ANK1: variants seen among roughly 807,000 people sequenced by gnomAD.
ANK1 encodes the protein ankyrin-1.
In ANK1, 51 loss-of-function variants were observed where a neutral mutation model predicts 210.4. The ratio of observed to expected loss-of-function variants is 0.24; its 90% CI spans 0.19 to 0.31. ANK1 has a LOEUF of 0.31. Ranked by LOEUF, ANK1 falls within the 10% of genes least tolerant of loss-of-function variation. ANK1 has a pLI of 1.00. For missense variants in ANK1, 2,051 were observed against 2,504.4 expected (o/e 0.82, Z 3.86); for synonymous variants, 967 against 1,025.9 (o/e 0.94, Z 1.10).
At chr8:41,859,906 A>G (rs1812953884) in intron 1 of ANK1, among the ~76,000 whole-genome samples, 1 of 152,240 alleles carries the variant, frequency 6.6e-6, no homozygotes, top group Non-Finnish European at 1.5e-5. Context: ...TGATGTGTCT[A>G]CAGTCCAGAT....
At chr8:41,687,500 C>A (rs757121590) in intron 35 of ANK1, among the ~76,000 whole-genome samples, 1 of 152,230 alleles carries the variant, frequency 6.6e-6, no homozygotes, top group Non-Finnish European at 1.5e-5. Context: ...CTCCACCCTG[C>A]ACTCTCCAAC....
At chr8:41,690,430 A>G (rs551570260) in intron 32 of ANK1, 44 bp downstream of exon 32, 8 of 1,614,028 alleles carry the variant, frequency 5.0e-6, no homozygotes, top group South Asian at 1.1e-5. Flanking sequence ...TGCCTCCCCA[A>G]CTTTCTAGAC....
chr8:41,761,490 C>T (rs1300952623), intron 1 of ANK1, among the ~76,000 whole-genome samples: 1 of 152,202 alleles, frequency 6.6e-6, no homozygotes, highest in Non-Finnish European at 1.5e-5. Flanking sequence ...CAAGGAACCT[C>T]TGGGAGGTGG....
chr8:41,821,727 TG>T (rs1804289269), intron 1 of ANK1, among the ~76,000 whole-genome samples: 1 of 152,188 alleles, frequency 6.6e-6, no homozygotes, highest in Non-Finnish European at 1.5e-5. Flanking sequence ...TTCAGGAATT[TG>T]GCCTTATGAA....
chr8:41,857,085 G>T (rs999935105), intron 1 of ANK1, among the ~76,000 whole-genome samples: 69 of 151,662 alleles, frequency 4.5e-4, no homozygotes, highest in African/African-American at 1.6e-3. Flanking sequence ...CACCATGTTG[G>T]TCAGGCTGGT....
At chr8:41,765,403 C>T (rs535209374) in intron 1 of ANK1, among the ~76,000 whole-genome samples, 17 of 92,408 alleles carry the variant, frequency 1.8e-4, no homozygotes, top group African/African-American at 9.8e-5. Flanking sequence ...TGCACCACCA[C>T]ACCTGGCTAA....
intron 5 of ANK1, 21 bp from the exon 6 acceptor site, chr8:41,725,967 C>T (rs1398820653): frequency 6.2e-7 from 1 of 1,611,166 alleles, no homozygotes; most frequent in South Asian, 1.1e-5. Context: ...GAGGAAAATG[C>T]TTTGCTCTGA....
At chr8:41,719,607 TG>T in intron 10 of ANK1, 53 bp downstream of exon 10, 3 of 1,610,280 alleles carry the variant, frequency 1.9e-6, no homozygotes, top group Non-Finnish European at 2.5e-6. Context: ...TCTCTGCTCC[TG>T]CCCCCAGCCT....
At chr8:41,753,060 CTTTTTTTTTTT>C (rs761060485) in intron 2 of ANK1, among the ~76,000 whole-genome samples, 1 of 106,622 alleles carries the variant, frequency 9.4e-6, no homozygotes, top group African/African-American at 3.5e-5. Flanking sequence ...GCCGCAGGCT[CTTTTTTTTTTT>C]TTTTTTTTTG....
chr8:41,853,650 G>T (rs922212313), intron 1 of ANK1, among the ~76,000 whole-genome samples: 1 of 152,038 alleles, frequency 6.6e-6, no homozygotes, highest in African/African-American at 2.4e-5. Flanking sequence ...TCAATCTCTT[G>T]GTCCCTACCC....
chr8:41,693,520 C>G (rs994333588), intron 29 of ANK1, among the ~76,000 whole-genome samples: 4 of 146,670 alleles, frequency 2.7e-5, no homozygotes, highest in Admixed American at 1.4e-4. Flanking sequence ...TCACTGCAAC[C>G]TCCACCTCCC....
chr8:41,706,282 G>T (rs755789624), intron 17 of ANK1, 41 bp from the exon 18 acceptor site: 10 of 1,572,194 alleles, frequency 6.4e-6, no homozygotes. Context: ...ATCAAGTAAA[G>T]AATTCCAGGC....
intron 1 of ANK1, among the ~76,000 whole-genome samples, chr8:41,857,474 C>T (rs984589747): frequency 6.6e-6 from 1 of 151,862 alleles, no homozygotes; most frequent in African/African-American, 2.4e-5. Context: ...TGCAGTGGCT[C>T]ACGCCTGTAA....
chr8:41,780,342 C>T (rs2150746137), intron 1 of ANK1, among the ~76,000 whole-genome samples: 1 of 152,332 alleles, frequency 6.6e-6, no homozygotes, highest in East Asian at 1.9e-4. Flanking sequence ...GATTTTTGAC[C>T]AATAACTTTC....
At chr8:41,705,730 C>T (rs898536104) in intron 18 of ANK1, among the ~76,000 whole-genome samples, 1 of 152,178 alleles carries the variant, frequency 6.6e-6, no homozygotes, top group Non-Finnish European at 1.5e-5. Context: ...GCAGACACCT[C>T]GACGGCAGAT....
chr8:41,839,632 C>T lies in ANK1; in HGVS notation c.126+56723G>A, dbSNP rs77929451. 2.2e-3 allele frequency among the ~76,000 whole-genome samples: 339 copies of T among 152,356 alleles called. 3 individuals carry two copies. The highest frequency in any genetic ancestry group is 7.7e-3 in the African/African-American group (319 of 41,586). On this transcript the variant is annotated intron_variant, in intron 1 of 42. Transcript: ENST00000265709. ...GTATTCAGCCCCAAATCCTCACCCA[C>T]TGTGGGACTTCATCCGCTTCACCAA...
At chr8:41,859,571 G>A (rs890968623) in intron 1 of ANK1, among the ~76,000 whole-genome samples, 18 of 152,206 alleles carry the variant, frequency 1.2e-4, no homozygotes, top group African/African-American at 4.1e-4. Context: ...GGTCTCGGAC[G>A]TCAGGTGATC....
intron 7 of ANK1, among the ~76,000 whole-genome samples, chr8:41,724,024 G>A (rs998242271): frequency 1.1e-4 from 16 of 151,828 alleles, no homozygotes; most frequent in East Asian, 3.9e-4. Flanking sequence ...TCCTGACCTC[G>A]TGATCCGCCC....
intron 37 of ANK1, among the ~76,000 whole-genome samples, chr8:41,680,703 C>G (rs1340908177): frequency 2.0e-5 from 3 of 152,192 alleles, no homozygotes; most frequent in African/African-American, 4.8e-5. Flanking sequence ...CCTCTCCCAG[C>G]CATGCTGGCT....
Sources: allele counts gnomAD v4.1 joint callset (sites outside exome capture counted in the v4.1 genomes callset), GRCh38; gene constraint gnomAD v4.1.1; transcripts MANE v1.5; gene names NCBI Gene and HGNC (gene_info 2026-07-23, HGNC 2026-07-21).